Variants in COPS3 observed in about 807,000 individuals in gnomAD.
COPS3 encodes COP9 signalosome complex subunit 3.
Under a neutral mutation model 58.2 loss-of-function variants are expected in COPS3, and 10 were observed. The ratio of observed to expected loss-of-function variants is 0.17; its 90% confidence interval spans 0.11 to 0.29. The LOEUF (loss-of-function observed/expected upper bound fraction) is 0.29. Among genes scored for constraint, COPS3 ranks in the 10% least tolerant of loss-of-function variants. The pLI is 1.00. For missense variants in COPS3, 333 were observed against 510.1 expected (o/e 0.65, Z 3.34); for synonymous variants, 187 against 181.7 (o/e 1.03, Z -0.24).
At position 17,281,206 on chromosome 17, in the gene COPS3, G is replaced by T; in HGVS notation, c.-20C>A. On this transcript the variant is annotated 5_prime_UTR_variant, in exon 1 of 12. Coordinates refer to ENST00000268717, the MANE Select transcript of COPS3 (RefSeq NM_003653.4). ...CGCCATGTTTTCCCCCGGGCGGCCC[G>T]AGCGGCGAAGGCAGCACGCGCGGGA... is the stretch of plus-strand genomic sequence containing the variant. 6.2e-7 allele frequency: 1 copy of T among 1,605,774 alleles called. No individual in the cohort carries two copies.
intron 4 of COPS3, among the ~76,000 whole-genome samples, chr17:17,268,791 C>T (rs1193526597): frequency 6.6e-6 from 1 of 151,304 alleles, no homozygotes; most frequent in Non-Finnish European, 1.5e-5. Flanking sequence ...TGCACTCCAG[C>T]CTGGGCAACA....
intron 5 of COPS3, 91 bp from the exon 6 acceptor site, chr17:17,265,072 AAAT>A: frequency 8.8e-7 from 1 of 1,137,062 alleles, no homozygotes; most frequent in Non-Finnish European, 1.3e-6. Context: ...AGAAATTTCC[AAAT>A]AATGTAATTG....
At chr17:17,257,860 G>C (rs1234832043) in intron 8 of COPS3, among the ~76,000 whole-genome samples, 3 of 151,558 alleles carry the variant, frequency 2.0e-5, no homozygotes, top group Admixed American at 6.6e-5. Context: ...TTAACACAAA[G>C]TAATATTTCA....
chr17:17,267,096 G>A (rs929004412), intron 5 of COPS3, among the ~76,000 whole-genome samples: 1 of 151,696 alleles, frequency 6.6e-6, no homozygotes, highest in African/African-American at 2.4e-5. Flanking sequence ...CCAGCACTTT[G>A]GGAGGCTGAG....
intron 7 of COPS3, chr17:17,261,581 C>A: frequency 2.7e-6 from 1 of 369,812 alleles, no homozygotes; most frequent in Non-Finnish European, 5.2e-6. Flanking sequence ...AAATAAAGGC[C>A]AGGCTCAGTG....
intron 5 of COPS3, among the ~76,000 whole-genome samples, chr17:17,266,637 A>G (rs937955326): frequency 6.6e-5 from 10 of 151,792 alleles, no homozygotes; most frequent in African/African-American, 1.9e-4. Context: ...CATCTCTACT[A>G]AAAATACAAA....
chr17:17,263,510 CT>C (rs34755381), intron 6 of COPS3, among the ~76,000 whole-genome samples: 3,410 of 98,784 alleles, frequency 0.035, 118 homozygotes, highest in African/African-American at 0.11. Context: ...CTTGCCTTTT[CT>C]TTTTTTTTTT....
intron 2 of COPS3, among the ~76,000 whole-genome samples, chr17:17,274,083 T>A (rs1199906131): frequency 6.6e-6 from 1 of 152,194 alleles, no homozygotes; most frequent in Non-Finnish European, 1.5e-5. Context: ...ATCAGGTGAG[T>A]AATGGACATG....
At position 17,276,124 on chromosome 17, in the gene COPS3, C is replaced by T. The variant is rs2048456421; in HGVS notation, c.96G>A (p.Gly32=). ...TQLCELINKS[G]ELLAKNLSHL... ...GGGATAAGTTCTTCGCAAGGAGTTCCCCACTCTTGTTGATCAGTTCACAAA... is the reference window on the plus strand; with the variant it reads ...GGGATAAGTTCTTCGCAAGGAGTTCTCCACTCTTGTTGATCAGTTCACAAA... The change falls in exon 2 of 12, where the codon GGG becomes GGA. Residue 32 remains glycine (G), a synonymous_variant. Transcript: ENST00000268717. 6.2e-7 allele frequency: 1 copy of T among 1,613,894 alleles called. No individual in the cohort carries two copies. The highest frequency in any genetic ancestry group is 1.3e-5 in the African/African-American group (1 of 74,898).
intron 7 of COPS3, 23 bp from the exon 8 acceptor site, chr17:17,260,497 A>T (rs1435560329): frequency 6.2e-7 from 1 of 1,612,066 alleles, no homozygotes; most frequent in Admixed American, 1.7e-5. Context: ...AGGAGGGAAA[A>T]AATTCAGATT....
chr17:17,258,637 T>C (rs11867522), intron 8 of COPS3, among the ~76,000 whole-genome samples: 5,615 of 152,282 alleles, frequency 0.037, 315 homozygotes, highest in African/African-American at 0.12. Flanking sequence ...TGGCTACCTC[T>C]TGATGGCAAA....
chr17:17,281,225 C>T lies in COPS3; in HGVS notation c.-39G>A. On this transcript the variant is annotated 5_prime_UTR_variant, in exon 1 of 12. Transcript: ENST00000268717. ...CGGCCCGAGCGGCGAAGGCAGCACGCGCGGGAAAAGGCTGCCGCTCTGGGA... is the reference window on the plus strand; with the variant it reads ...CGGCCCGAGCGGCGAAGGCAGCACGTGCGGGAAAAGGCTGCCGCTCTGGGA... 6.3e-7 allele frequency: 1 copy of T among 1,593,716 alleles called. No homozygotes were observed. The highest frequency in any genetic ancestry group is 8.5e-7 in the Non-Finnish European group (1 of 1,169,964).
intron 1 of COPS3, among the ~76,000 whole-genome samples, chr17:17,277,840 G>C (rs1050730591): frequency 6.6e-6 from 1 of 152,102 alleles, no homozygotes; most frequent in South Asian, 2.1e-4. Flanking sequence ...CAGATCTCTC[G>C]AGGTCAGGAG....
intron 9 of COPS3, among the ~76,000 whole-genome samples, chr17:17,252,515 C>T (rs562503363): frequency 7.2e-5 from 11 of 152,112 alleles, no homozygotes; most frequent in South Asian, 4.1e-4. Context: ...ACCCATTAGA[C>T]GCCAGTAGCA....
chr17:17,272,125 T>C (rs2048366738), intron 2 of COPS3, among the ~76,000 whole-genome samples: 1 of 151,578 alleles, frequency 6.6e-6, no homozygotes, highest in South Asian at 2.1e-4. Context: ...CCATGTCTGC[T>C]AAAAATACAA....
At chr17:17,280,781 G>A (rs554375689) in intron 1 of COPS3, 72 of 1,259,332 alleles carry the variant, frequency 5.7e-5, no homozygotes, top group Middle Eastern at 6.6e-4. Context: ...AATCACCGAA[G>A]GCAAGAGAGA....
chr17:17,276,294 T>C, intron 1 of COPS3, 130 bp from the exon 2 acceptor site: 1 of 1,237,048 alleles, frequency 8.1e-7, no homozygotes, highest in Non-Finnish European at 1.1e-6. Flanking sequence ...TCACTTCGGA[T>C]GAGGATCCAG....
chr17:17,270,729 A>G, intron 4 of COPS3, 29 bp downstream of exon 4: 1 of 1,550,742 alleles, frequency 6.4e-7, no homozygotes, highest in Non-Finnish European at 8.8e-7. Context: ...TTATAACAAA[A>G]CTAGGAATAC....
rs371430333 is a variant in COPS3, at chr17:17,281,198, G to A, written c.-12C>T. 9 of 1,608,360 alleles carry A rather than the reference G, an allele frequency of 5.6e-6. No homozygotes were observed. In the African/African-American group the frequency reaches 1.2e-4, roughly 21 times the overall value. ...AGGGCAGACGCCATGTTTTCCCCCGGGCGGCCCGAGCGGCGAAGGCAGCAC... is the reference window on the plus strand; with the variant it reads ...AGGGCAGACGCCATGTTTTCCCCCGAGCGGCCCGAGCGGCGAAGGCAGCAC... On this transcript the variant is annotated 5_prime_UTR_variant, in exon 1 of 12. Transcript: ENST00000268717.
Sources: gnomAD v4.1 joint callset for allele counts (sites outside exome capture counted in the v4.1 genomes callset) on GRCh38, gnomAD v4.1.1 for gene constraint, MANE v1.5 for transcripts, NCBI Gene and HGNC (gene_info 2026-07-23, HGNC 2026-07-21) for gene names.